Variants in CCSER1 observed in about 807,000 individuals in gnomAD.
CCSER1 encodes the protein coiled-coil serine rich protein 1, also known as serine-rich coiled-coil domain-containing protein 1.
A neutral mutation model predicts 82.0 loss-of-function variants in CCSER1; 41 were observed. That is an observed-to-expected ratio of 0.50 (90% CI 0.39 to 0.65). The LOEUF (loss-of-function observed/expected upper bound fraction) is 0.65, where lower values mean the gene tolerates loss of function less well. CCSER1 is among the 30% of genes least tolerant of loss of function. The probability of loss-of-function intolerance (pLI) is 0.00; values close to 1 mark genes in which losing one functional copy is unlikely to be tolerated. For synonymous variants in CCSER1, 414 were observed against 383.9 expected (o/e 1.08, Z -0.92); for missense variants, 1,119 against 1,064.2 (o/e 1.05, Z -0.72).
In CCSER1 at chr4:90,331,052, G is replaced by A. The variant is rs182426106; in HGVS notation, c.1509+18005G>A. ...AAAATACAGTGATTTATAAATTTTG[G>A]TACTATAGCTTTGCTAAAAATTTCT... On this transcript the variant is annotated intron_variant, in intron 3 of 10. Transcript: ENST00000509176. Among the ~76,000 whole-genome samples, 15 of 151,500 alleles carry A rather than the reference G, an allele frequency of 9.9e-5. No individual in the cohort carries two copies. In the East Asian group the frequency reaches 2.5e-3, roughly 25 times the overall value.
intron 9 of CCSER1, among the ~76,000 whole-genome samples, chr4:90,996,602 C>G (rs892845483): frequency 6.6e-6 from 1 of 152,020 alleles, no homozygotes; most frequent in Non-Finnish European, 1.5e-5. Context: ...ATCATTCTAC[C>G]AATAGAATTC....
At chr4:91,577,446 G>T (rs1763503202) in intron 10 of CCSER1, among the ~76,000 whole-genome samples, 1 of 151,574 alleles carries the variant, frequency 6.6e-6, no homozygotes, top group African/African-American at 2.4e-5. Context: ...TTCCAAGAAA[G>T]CAGCAAAAAA....
chr4:90,632,861 C>T (rs948367895), intron 6 of CCSER1, among the ~76,000 whole-genome samples: 2 of 152,104 alleles, frequency 1.3e-5, no homozygotes, highest in Non-Finnish European at 2.9e-5. Context: ...ACTGAAGTTA[C>T]TTCACAACTG....
intron 6 of CCSER1, among the ~76,000 whole-genome samples, chr4:90,705,484 C>T (rs1388158299): frequency 6.6e-6 from 1 of 152,198 alleles, no homozygotes; most frequent in African/African-American, 2.4e-5. Flanking sequence ...GGGAGAACTA[C>T]TACTCTCTTC....
chr4:90,674,485 G>A (rs1733434740), intron 6 of CCSER1, among the ~76,000 whole-genome samples: 1 of 151,896 alleles, frequency 6.6e-6, no homozygotes, highest in South Asian at 2.1e-4. Context: ...AGGAGAGAGA[G>A]TAGGATGAAA....
chr4:90,946,675 G>T (rs1050900639), intron 9 of CCSER1, among the ~76,000 whole-genome samples: 2 of 151,320 alleles, frequency 1.3e-5, no homozygotes, highest in Non-Finnish European at 1.5e-5. Flanking sequence ...ACCTAGAAAG[G>T]TAACATGAAA....
chr4:91,246,706 A>C (rs1167863074), intron 10 of CCSER1, among the ~76,000 whole-genome samples: 1 of 152,172 alleles, frequency 6.6e-6, no homozygotes, highest in Non-Finnish European at 1.5e-5. Context: ...GTAGCATTCC[A>C]TGATGCGGTT....
intron 7 of CCSER1, among the ~76,000 whole-genome samples, chr4:90,787,640 AT>A (rs1561135860): frequency 1.3e-5 from 2 of 152,054 alleles, no homozygotes; most frequent in Admixed American, 6.6e-5. Flanking sequence ...ATTTATTCAA[AT>A]TTTTTCCCAT....
intron 8 of CCSER1, 30 bp from the exon 9 acceptor site, chr4:90,923,340 A>G (rs763898789): frequency 3.3e-6 from 5 of 1,495,510 alleles, no homozygotes; most frequent in East Asian, 2.5e-5. Context: ...CTCACCAACA[A>G]TGTGTTGTTG....
chr4:91,587,162 T>G (rs1462258475), intron 10 of CCSER1, among the ~76,000 whole-genome samples: 1 of 151,786 alleles, frequency 6.6e-6, no homozygotes, highest in Admixed American at 6.6e-5. Flanking sequence ...CTTAGAGAAT[T>G]CATTTGGTAC....
intron 10 of CCSER1, among the ~76,000 whole-genome samples, chr4:91,115,395 C>T (rs755639131): frequency 3.3e-5 from 5 of 151,940 alleles, no homozygotes; most frequent in Non-Finnish European, 7.4e-5. Context: ...GGCCTGATCT[C>T]GGCTCACCGC....
intron 5 of CCSER1, among the ~76,000 whole-genome samples, chr4:90,562,514 T>C (rs1287442322): frequency 2.0e-5 from 3 of 152,140 alleles, no homozygotes; most frequent in Non-Finnish European, 4.4e-5. Context: ...GAAATTGAAA[T>C]AAGACACAGA....
At chr4:90,915,094 G>A (rs558716558) in intron 8 of CCSER1, among the ~76,000 whole-genome samples, 1 of 152,268 alleles carries the variant, frequency 6.6e-6, no homozygotes, top group Non-Finnish European at 1.5e-5. Context: ...GTACAAGGAG[G>A]AGCTGGTACC....
chr4:90,214,765 CT>C (rs1740709582), intron 1 of CCSER1, among the ~76,000 whole-genome samples: 1 of 152,092 alleles, frequency 6.6e-6, no homozygotes, highest in African/African-American at 2.4e-5. Context: ...CATTTTTCTA[CT>C]TTTATAAATG....
intron 3 of CCSER1, among the ~76,000 whole-genome samples, chr4:90,373,790 C>A (rs1480740610): frequency 6.6e-6 from 1 of 152,092 alleles, no homozygotes; most frequent in Non-Finnish European, 1.5e-5. Context: ...ACAAGGAAAG[C>A]TATAGAAGAT....
chr4:90,187,425 A>G (rs1368899534), intron 1 of CCSER1, among the ~76,000 whole-genome samples: 1 of 140,842 alleles, frequency 7.1e-6, no homozygotes, highest in Admixed American at 7.6e-5. Flanking sequence ...TACCTCCCTT[A>G]TCGGATTTCA....
At chr4:91,377,307 T>C (rs1052467328) in intron 10 of CCSER1, among the ~76,000 whole-genome samples, 6 of 152,166 alleles carry the variant, frequency 3.9e-5, no homozygotes, top group African/African-American at 1.4e-4. Flanking sequence ...TAGTTCTAGA[T>C]CCTTGAGGAA....
chr4:90,817,526 A>G lies in CCSER1; in HGVS notation c.2094+1681A>G, dbSNP rs749581561. ...TTTTTCTTTTCTTTATACTTGAATTACTCAAATTGGCTACTTAGTTTCTAA... is the reference window on the plus strand; with the variant it reads ...TTTTTCTTTTCTTTATACTTGAATTGCTCAAATTGGCTACTTAGTTTCTAA... On this transcript the variant is annotated intron_variant, in intron 8 of 10. Transcript: ENST00000509176. Among the ~76,000 whole-genome samples the G allele has an allele frequency of 2.0e-5, 3 of 152,228 alleles. No individual in the cohort carries two copies. In the South Asian group the frequency reaches 6.2e-4, roughly 32 times the overall value.
At chr4:90,418,791 A>C (rs569578417) in intron 4 of CCSER1, among the ~76,000 whole-genome samples, 4 of 152,104 alleles carry the variant, frequency 2.6e-5, no homozygotes, top group African/African-American at 9.6e-5. Context: ...CTTTGACTTC[A>C]CCTAAGAAGT....
Sources: allele counts gnomAD v4.1 joint callset (sites outside exome capture counted in the v4.1 genomes callset), GRCh38; gene constraint gnomAD v4.1.1; transcripts MANE v1.5; gene names NCBI Gene and HGNC (gene_info 2026-07-23, HGNC 2026-07-21).